Variants in BMERB1 observed in about 807,000 individuals in gnomAD.
BMERB1 encodes bMERB domain-containing protein 1.
A neutral mutation model predicts 23.6 loss-of-function variants in BMERB1; 12 were observed. That is an observed-to-expected ratio of 0.51 (90% CI 0.33 to 0.82). The LOEUF is 0.82. Among genes scored for constraint, BMERB1 ranks in the 40% least tolerant of loss-of-function variants. BMERB1 has a pLI of 0.03. For missense variants in BMERB1, 247 were observed against 255.4 expected, an observed-to-expected ratio of 0.97 and a Z score of 0.22; for synonymous variants, 122 against 96.6, an observed-to-expected ratio of 1.26 and a Z score of -1.54.
intron 3 of BMERB1, among the ~76,000 whole-genome samples, chr16:15,579,278 C>G (rs758963994): frequency 6.6e-6 from 1 of 152,056 alleles, no homozygotes; most frequent in Non-Finnish European, 1.5e-5. Context: ...TTGGAGAGGG[C>G]AGGGAGCGGC....
At chr16:15,531,557 C>T (rs773771722) in intron 2 of BMERB1, among the ~76,000 whole-genome samples, 3 of 152,168 alleles carry the variant, frequency 2.0e-5, no homozygotes, top group Non-Finnish European at 2.9e-5. Context: ...ATGACAGAGA[C>T]GGCCCTGGTG....
chr16:15,529,269 G>A (rs572049287), intron 2 of BMERB1, among the ~76,000 whole-genome samples: 7 of 152,010 alleles, frequency 4.6e-5, no homozygotes, highest in East Asian at 1.9e-4. Flanking sequence ...CTCGTGATCC[G>A]CCTGCCTCGG....
At chr16:15,555,954 T>G (rs951356094) in intron 2 of BMERB1, among the ~76,000 whole-genome samples, 5 of 151,834 alleles carry the variant, frequency 3.3e-5, no homozygotes, top group Admixed American at 3.3e-4. Context: ...CTGAGGCGGG[T>G]GGATCACCTG....
At chr16:15,442,236 C>T (rs1277764679) in intron 1 of BMERB1, among the ~76,000 whole-genome samples, 3 of 151,396 alleles carry the variant, frequency 2.0e-5, no homozygotes, top group African/African-American at 7.3e-5. Context: ...GAGGCTGAGG[C>T]GGGAGACTCA....
intron 3 of BMERB1, among the ~76,000 whole-genome samples, chr16:15,572,852 T>C (rs1375147206): frequency 1.3e-5 from 2 of 152,176 alleles, no homozygotes; most frequent in Non-Finnish European, 2.9e-5. Context: ...TCCCCCATAC[T>C]ATTCTCATGG....
intron 1 of BMERB1, among the ~76,000 whole-genome samples, chr16:15,499,208 G>C (rs1299010726): frequency 1.3e-5 from 2 of 152,042 alleles, no homozygotes; most frequent in African/African-American, 4.8e-5. Flanking sequence ...GCCCAGCCTG[G>C]CCAACATGGT....
intron 1 of BMERB1, among the ~76,000 whole-genome samples, chr16:15,435,105 C>G (rs2050876707): frequency 6.6e-6 from 1 of 152,252 alleles, no homozygotes; most frequent in Non-Finnish European, 1.5e-5. Context: ...CCTCTCTCCG[C>G]CTGGGATGCG....
At chr16:15,569,925 T>C (rs766407811) in intron 3 of BMERB1, among the ~76,000 whole-genome samples, 2 of 152,146 alleles carry the variant, frequency 1.3e-5, no homozygotes, top group African/African-American at 4.8e-5. Context: ...ACAAAGGCAG[T>C]TTAGTTGGTG....
chr16:15,579,222 C>G (rs1180211445), intron 3 of BMERB1, among the ~76,000 whole-genome samples: 1 of 152,128 alleles, frequency 6.6e-6, no homozygotes, highest in Non-Finnish European at 1.5e-5. Context: ...CCACGAGCTC[C>G]TGAGTGAGCA....
chr16:15,499,174 C>T (rs1003685257), intron 1 of BMERB1, among the ~76,000 whole-genome samples: 2 of 152,118 alleles, frequency 1.3e-5, no homozygotes, highest in Non-Finnish European at 2.9e-5. Flanking sequence ...ATCCTTATTT[C>T]CTATTTCACT....
chr16:15,555,980 G>C (rs887736202), intron 2 of BMERB1, among the ~76,000 whole-genome samples: 1 of 152,078 alleles, frequency 6.6e-6, no homozygotes, highest in African/African-American at 2.4e-5. Flanking sequence ...AGGAGTTCGA[G>C]ACCAGCCTGG....
intron 1 of BMERB1, among the ~76,000 whole-genome samples, chr16:15,511,874 G>A (rs532714139): frequency 7.2e-5 from 11 of 152,070 alleles, no homozygotes; most frequent in Admixed American, 1.3e-4. Flanking sequence ...TTAGCCAGGC[G>A]TGGTGACATG....
At chr16:15,528,439 A>G (rs972929466) in intron 2 of BMERB1, among the ~76,000 whole-genome samples, 6 of 152,280 alleles carry the variant, frequency 3.9e-5, no homozygotes, top group African/African-American at 1.4e-4. Context: ...AGTCATAAAC[A>G]TTTACACCAT....
At chr16:15,505,533 A>C (rs1316173055) in intron 1 of BMERB1, among the ~76,000 whole-genome samples, 1 of 152,164 alleles carries the variant, frequency 6.6e-6, no homozygotes, top group African/African-American at 2.4e-5. Context: ...AATTATGCCA[A>C]GTAAGAGTCA....
chr16:15,517,982 G>A (rs1040710374), intron 2 of BMERB1, among the ~76,000 whole-genome samples: 3 of 140,278 alleles, frequency 2.1e-5, no homozygotes, highest in Non-Finnish European at 3.0e-5. Context: ...TGTGCGTGTG[G>A]ATGTGTGTGC....
At chr16:15,501,263 T>G (rs2051526741) in intron 1 of BMERB1, among the ~76,000 whole-genome samples, 1 of 150,958 alleles carries the variant, frequency 6.6e-6, no homozygotes, top group African/African-American at 2.4e-5. Context: ...TACAGGCATG[T>G]GCCTCCGCAC....
intron 2 of BMERB1, among the ~76,000 whole-genome samples, chr16:15,558,576 G>A (rs1366914194): frequency 1.3e-5 from 2 of 152,050 alleles, no homozygotes; most frequent in Non-Finnish European, 2.9e-5. Flanking sequence ...AACTGGACAG[G>A]AGCTGCCCCC....
At chr16:15,560,951 G>GTT (rs2030400036) in intron 2 of BMERB1, among the ~76,000 whole-genome samples, 3 of 131,754 alleles carry the variant, frequency 2.3e-5, no homozygotes, top group Admixed American at 7.4e-5. Context: ...TTTCTCTGCT[G>GTT]CTTTTTTTTT....
intron 2 of BMERB1, among the ~76,000 whole-genome samples, chr16:15,532,132 C>T (rs1036478889): frequency 5.9e-5 from 9 of 152,192 alleles, no homozygotes; most frequent in Non-Finnish European, 1.2e-4. Context: ...TGTCCTCAGT[C>T]CCCTAAACTC....
Sources: allele counts gnomAD v4.1 joint callset (sites outside exome capture counted in the v4.1 genomes callset), GRCh38; gene constraint gnomAD v4.1.1; transcripts MANE v1.5; gene names NCBI Gene and HGNC (gene_info 2026-07-23, HGNC 2026-07-21).